The following CLNK variants were observed in gnomAD, a reference collection of about 807,000 sequenced individuals.
The protein encoded by CLNK is cytokine-dependent hematopoietic cell linker.
A neutral mutation model predicts 68.6 loss-of-function variants in CLNK; 74 were observed. The observed-to-expected ratio is 1.08, with a 90% CI of 0.89 to 1.31. The LOEUF is 1.31. Ranked by LOEUF, CLNK falls within the 50% of genes most tolerant of loss-of-function variation. The pLI is 0.00. For missense variants in CLNK, 553 were observed against 515.3 expected (o/e 1.07, Z -0.71); for synonymous variants, 198 against 172.2 (o/e 1.15, Z -1.17).
intron 7 of CLNK, among the ~76,000 whole-genome samples, chr4:10,562,459 G>T (rs928470613): frequency 2.6e-5 from 4 of 152,148 alleles, no homozygotes; most frequent in African/African-American, 4.8e-5. Flanking sequence ...AGGCTGGAGT[G>T]CAGTGGTGCA....
intron 1 of CLNK, among the ~76,000 whole-genome samples, chr4:10,679,759 T>G (rs1003113465): frequency 1.5e-4 from 23 of 152,074 alleles, no homozygotes; most frequent in Non-Finnish European, 1.5e-5. Context: ...AAAAAACACA[T>G]GAAAATATGC....
the CLNK span, among the ~76,000 whole-genome samples, chr4:10,712,527 T>G: frequency 0.95 from 143,932 of 152,274 alleles, 68,150 homozygotes; most frequent in East Asian, 1. Flanking sequence ...TTCCTGAAAA[T>G]AAACCCCTCC....
chr4:10,652,679 C>T (rs563468909), intron 2 of CLNK, among the ~76,000 whole-genome samples: 37 of 152,250 alleles, frequency 2.4e-4, no homozygotes, highest in African/African-American at 8.7e-4. Context: ...TTCAATCATA[C>T]ATGTATTTGC....
intron 1 of CLNK, 59 bp from the exon 2 acceptor site, chr4:10,667,970 G>A (rs1390497029): frequency 2.5e-5 from 24 of 968,482 alleles, no homozygotes; most frequent in East Asian, 5.4e-5. Context: ...TAATTCTGGG[G>A]AACAAGCCAC....
intron 4 of CLNK, among the ~76,000 whole-genome samples, chr4:10,575,742 G>C (rs1720537856): frequency 6.6e-6 from 1 of 152,262 alleles, no homozygotes; most frequent in Non-Finnish European, 1.5e-5. Context: ...GGCCCATGGG[G>C]ATGATGGAAG....
the CLNK span, among the ~76,000 whole-genome samples, chr4:10,699,266 C>CACACACACACCACGTATGTGTGTGTAT: frequency 3.0e-5 from 2 of 66,014 alleles, no homozygotes; most frequent in African/African-American, 1.4e-4. Context: ...TGTGTGTATA[C>CACACACACACCACGTATGTGTGTGTAT]ACACACACAC....
At chr4:10,714,008 T>C in the CLNK span, among the ~76,000 whole-genome samples, 2 of 152,204 alleles carry the variant, frequency 1.3e-5, no homozygotes, top group Non-Finnish European at 2.9e-5. Flanking sequence ...AACAAGAATC[T>C]TCCTGTCATT....
In CLNK at chr4:10,490,631, A is replaced by G. The variant is rs1435687854; in HGVS notation, c.1141-18T>C. 1 of 1,549,986 alleles carries G rather than the reference A, an allele frequency of 6.5e-7. No homozygotes were observed. The highest frequency in any genetic ancestry group is 2.0e-5 in the Admixed American group (1 of 50,856). ...TCAAACTTCTGAAACACAGAAAAGAAAGTTAATGACTTTTAAAATATCTTT... is the reference window on the plus strand; with the variant it reads ...TCAAACTTCTGAAACACAGAAAAGAGAGTTAATGACTTTTAAAATATCTTT... On this transcript the variant is annotated intron_variant, in intron 18 of 18. Coordinates refer to ENST00000226951, the MANE Select transcript of CLNK (RefSeq NM_052964.4).
At chr4:10,535,907 A>T (rs892314371) in intron 11 of CLNK, among the ~76,000 whole-genome samples, 29 of 152,230 alleles carry the variant, frequency 1.9e-4, no homozygotes, top group Non-Finnish European at 1.3e-4. Flanking sequence ...AATGGTACAT[A>T]AGTGGCTGAG....
chr4:10,621,198 C>A (rs2108861074), intron 2 of CLNK, among the ~76,000 whole-genome samples: 1 of 152,220 alleles, frequency 6.6e-6, no homozygotes, highest in East Asian at 1.9e-4. Context: ...GCTCAAAGCC[C>A]AGGACGTTTT....
intron 2 of CLNK, among the ~76,000 whole-genome samples, chr4:10,642,606 A>G (rs986496194): frequency 2.0e-5 from 3 of 152,178 alleles, no homozygotes; most frequent in Non-Finnish European, 4.4e-5. Flanking sequence ...TTGGACCTGT[A>G]TGCATGTGGG....
Position 10,563,530 on chromosome 4 carries a change from A to G in CLNK, c.399+1141T>C, listed in dbSNP as rs200780620. Among the ~76,000 whole-genome samples the G allele has an allele frequency of 4.6e-5, 7 of 152,344 alleles. No homozygotes were observed. In the East Asian group the frequency reaches 1.3e-3, roughly 29 times the overall value. ...TTTATCACATGAGAAATTGTTTTAT[A>G]CCAGAATTTAATGTGAGAAGAAAAA... On this transcript the variant is annotated intron_variant, in intron 7 of 18. Transcript: ENST00000226951.
At chr4:10,686,778 T>C (rs1055193102), upstream of CLNK, among the ~76,000 whole-genome samples, 13 of 152,080 alleles carry the variant, frequency 8.5e-5, no homozygotes, top group Admixed American at 1.3e-4. Context: ...TCACATCCAA[T>C]TGGTGGCTAG....
intron 18 of CLNK, among the ~76,000 whole-genome samples, chr4:10,494,867 C>A (rs929094133): frequency 1.3e-5 from 2 of 152,164 alleles, no homozygotes; most frequent in African/African-American, 4.8e-5. Flanking sequence ...ATTGAATAAT[C>A]TTTTCCAGGG....
At chr4:10,572,903 A>G (rs1720404581) in intron 4 of CLNK, among the ~76,000 whole-genome samples, 1 of 152,094 alleles carries the variant, frequency 6.6e-6, no homozygotes, top group Admixed American at 6.5e-5. Flanking sequence ...ATCTCAGCTC[A>G]CTGCAACCTC....
chr4:10,614,642 A>G (rs1049669971), intron 2 of CLNK, among the ~76,000 whole-genome samples: 1 of 152,232 alleles, frequency 6.6e-6, no homozygotes, highest in Admixed American at 6.5e-5. Context: ...CGAAATCTGC[A>G]TTGTAATAAG....
the CLNK span, among the ~76,000 whole-genome samples, chr4:10,704,707 C>T: frequency 1.4e-4 from 21 of 152,304 alleles, no homozygotes; most frequent in South Asian, 2.3e-3. Flanking sequence ...GTCAAGCCCC[C>T]CTGTGCTCAA....
At chr4:10,536,541 C>G (rs1718768017) in intron 11 of CLNK, among the ~76,000 whole-genome samples, 1 of 152,174 alleles carries the variant, frequency 6.6e-6, no homozygotes, top group African/African-American at 2.4e-5. Flanking sequence ...AATGTCAACC[C>G]TGTGACTTTA....
upstream of CLNK, among the ~76,000 whole-genome samples, chr4:10,686,037 A>G (rs1725258352): frequency 6.6e-6 from 1 of 152,152 alleles, no homozygotes; most frequent in African/African-American, 2.4e-5. Flanking sequence ...AGAAGGTCAA[A>G]TTGTATTGTC....
Sources: gnomAD v4.1 joint callset for allele counts (sites outside exome capture counted in the v4.1 genomes callset) on GRCh38, gnomAD v4.1.1 for gene constraint, MANE v1.5 for transcripts, NCBI Gene and HGNC (gene_info 2026-07-23, HGNC 2026-07-21) for gene names.